The following ENOX2 variants were observed in gnomAD, a reference collection of about 807,000 sequenced individuals.
ENOX2 encodes APK1 antigen.
ENOX2 carries 36 observed loss-of-function variants against 45.0 expected under a neutral mutation model. The observed-to-expected ratio is 0.80, with a 90% CI of 0.61 to 1.06. The LOEUF is 1.06. Ranked by LOEUF, ENOX2 falls within the 50% of genes least tolerant of loss-of-function variation. The probability of loss-of-function intolerance (pLI) is 0.00; values close to 1 mark genes in which losing one functional copy is unlikely to be tolerated. For synonymous variants in ENOX2, 174 were observed against 152.3 expected (o/e 1.14, Z -1.05); for missense variants, 423 against 462.5 (o/e 0.91, Z 0.78).
chrX:130,694,258 C>T (rs1471155392), intron 4 of ENOX2, among the ~76,000 whole-genome samples: 1 of 112,035 alleles, frequency 8.9e-6, no homozygotes, highest in Non-Finnish European at 1.9e-5. Flanking sequence ...TAACAATTTT[C>T]AAGGAATGAA....
At chrX:130,680,689 G>T (rs141365893) in intron 5 of ENOX2, among the ~76,000 whole-genome samples, 1 of 112,481 alleles carries the variant, frequency 8.9e-6, no homozygotes, top group Non-Finnish European at 1.9e-5. Flanking sequence ...TTTTGTATCC[G>T]CAAGGATTTA....
At chrX:130,813,464 T>C (rs1366303926) in intron 2 of ENOX2, among the ~76,000 whole-genome samples, 1 of 112,203 alleles carries the variant, frequency 8.9e-6, no homozygotes, top group Non-Finnish European at 1.9e-5. Flanking sequence ...GCTGGAAAGA[T>C]GGCTGAATAG....
intron 3 of ENOX2, among the ~76,000 whole-genome samples, chrX:130,710,901 C>A (rs1402984740): frequency 4.5e-5 from 5 of 111,966 alleles, no homozygotes; most frequent in Non-Finnish European, 9.4e-5. Flanking sequence ...TCATGGGTTG[C>A]TGTTTGAGAA....
At chrX:130,808,480 T>C (rs1041983966) in intron 2 of ENOX2, among the ~76,000 whole-genome samples, 2 of 111,605 alleles carry the variant, frequency 1.8e-5, no homozygotes, top group African/African-American at 6.5e-5. Flanking sequence ...TGTGAATGGG[T>C]TAGAAGGTAT....
At chrX:130,739,975 T>C (rs1013860202) in intron 3 of ENOX2, among the ~76,000 whole-genome samples, 1 of 112,247 alleles carries the variant, frequency 8.9e-6, no homozygotes, top group Non-Finnish European at 1.9e-5. Context: ...AAAATACATA[T>C]AACACAATGA....
intron 2 of ENOX2, among the ~76,000 whole-genome samples, chrX:130,824,216 A>C (rs2077673524): frequency 8.9e-6 from 1 of 111,791 alleles, no homozygotes; most frequent in African/African-American, 3.2e-5. Context: ...AAAAAAACAC[A>C]AATAACATGA....
At chrX:130,721,117 T>A (rs1368762597) in intron 3 of ENOX2, among the ~76,000 whole-genome samples, 1 of 111,153 alleles carries the variant, frequency 9.0e-6, no homozygotes, top group African/African-American at 3.3e-5. Context: ...CTGAATACGA[T>A]CGTGTCATTT....
chrX:130,808,633 C>A (rs1169976364), intron 2 of ENOX2, among the ~76,000 whole-genome samples: 1 of 112,139 alleles, frequency 8.9e-6, no homozygotes, highest in African/African-American at 3.2e-5. Flanking sequence ...TCTGTAACAT[C>A]TGTAAAGCTG....
intron 2 of ENOX2, among the ~76,000 whole-genome samples, chrX:130,872,097 G>C (rs1435889799): frequency 8.9e-6 from 1 of 111,906 alleles, no homozygotes; most frequent in South Asian, 3.7e-4. Flanking sequence ...CCTTTTATGT[G>C]CAAGAACTAC....
At chrX:130,838,877 T>C (rs2077969299) in intron 2 of ENOX2, among the ~76,000 whole-genome samples, 1 of 111,908 alleles carries the variant, frequency 8.9e-6, no homozygotes, top group Admixed American at 9.5e-5. Flanking sequence ...CCATCAGAAA[T>C]TCAAGTTACT....
intron 2 of ENOX2, among the ~76,000 whole-genome samples, chrX:130,892,657 T>C (rs1198190553): frequency 8.9e-6 from 1 of 112,692 alleles, no homozygotes; most frequent in Non-Finnish European, 1.9e-5. Context: ...CTAGGTGAAA[T>C]AGAAAGTCAT....
intron 2 of ENOX2, among the ~76,000 whole-genome samples, chrX:130,847,884 C>G (rs182505946): frequency 1.8e-5 from 2 of 112,134 alleles, no homozygotes; most frequent in East Asian, 5.6e-4. Flanking sequence ...TAACTTCAGA[C>G]AAGTTTTAGT....
intron 4 of ENOX2, among the ~76,000 whole-genome samples, chrX:130,698,941 A>G (rs943922450): frequency 2.7e-5 from 3 of 112,137 alleles, no homozygotes; most frequent in Non-Finnish European, 5.6e-5. Context: ...GCTGCTAAGG[A>G]TATTTTAATT....
intron 12 of ENOX2, among the ~76,000 whole-genome samples, chrX:130,632,257 A>C (rs1384930420): frequency 9.2e-6 from 1 of 108,570 alleles, no homozygotes; most frequent in African/African-American, 3.4e-5. Flanking sequence ...TATCAGTTAG[A>C]ATATTCCTGA....
chrX:130,871,938 T>C (rs1305961813), intron 2 of ENOX2, among the ~76,000 whole-genome samples: 1 of 112,078 alleles, frequency 8.9e-6, no homozygotes, highest in Non-Finnish European at 1.9e-5. Context: ...CTAATTAGTT[T>C]AATTATGTGG....
chrX:130,667,523 C>T lies in ENOX2; in HGVS notation c.907+7G>A. 8.4e-7 allele frequency: 1 copy of T among 1,195,799 alleles called. No individual in the cohort carries two copies. On this transcript the variant is annotated splice_region_variant and intron_variant, in intron 8 of 14. Transcript: ENST00000394363. ...CTCATTCCAGCAGAACTCTAAGTTC[C>T]ACTCACATTGAATGAGAATTCCAGA... is the stretch of plus-strand genomic sequence containing the variant.
intron 3 of ENOX2, among the ~76,000 whole-genome samples, chrX:130,746,577 C>A (rs2039101944): frequency 9.0e-6 from 1 of 111,559 alleles, no homozygotes; most frequent in African/African-American, 3.3e-5. Flanking sequence ...CTATGATTTC[C>A]AACCTGATAT....
intron 2 of ENOX2, among the ~76,000 whole-genome samples, chrX:130,828,206 T>C (rs2077755879): frequency 1.8e-5 from 2 of 111,949 alleles, no homozygotes; most frequent in African/African-American, 6.5e-5. Context: ...TCATACTAAC[T>C]AATCTGCTTT....
rs1280480685 is a variant in ENOX2, at chrX:130,739,599, C to T, written c.-38-36345G>A. Among the ~76,000 whole-genome samples the T allele has an allele frequency of 1.1e-4, 12 of 112,180 alleles. No homozygotes were observed. In the East Asian group the frequency reaches 2.8e-3, roughly 26 times the overall value. ...AGTGCTTTATATTTTACAACACATGCTGATAAATGTATTTTCTCATTTACA... is the reference window on the plus strand; with the variant it reads ...AGTGCTTTATATTTTACAACACATGTTGATAAATGTATTTTCTCATTTACA... On this transcript the variant is annotated intron_variant, in intron 3 of 14. Coordinates refer to ENST00000394363, the MANE Select transcript of ENOX2 (RefSeq NM_006375.4).
Sources: gnomAD v4.1 joint callset for allele counts (sites outside exome capture counted in the v4.1 genomes callset) on GRCh38, gnomAD v4.1.1 for gene constraint, MANE v1.5 for transcripts, NCBI Gene and HGNC (gene_info 2026-07-23, HGNC 2026-07-21) for gene names.